RNF144A: variants seen among roughly 807,000 people sequenced by gnomAD.
The protein encoded by RNF144A is ring finger protein 144A.
A neutral mutation model predicts 38.7 loss-of-function variants in RNF144A; 11 were observed. The ratio of observed to expected loss-of-function variants is 0.28; its 90% CI spans 0.18 to 0.47. The LOEUF (loss-of-function observed/expected upper bound fraction) is 0.47, where lower values mean the gene tolerates loss of function less well. Ranked by LOEUF, RNF144A falls within the 20% of genes least tolerant of loss-of-function variation. RNF144A has a pLI of 0.99. For missense variants in RNF144A, 316 were observed against 377.2 expected, an observed-to-expected ratio of 0.84 and a Z score of 1.34; for synonymous variants, 149 against 143.9, an observed-to-expected ratio of 1.04 and a Z score of -0.25.
rs1673086919 is a variant in RNF144A, at chr2:7,042,209, TA to T, written c.*2450del. 1 of 985,348 alleles carries T rather than the reference TA, an allele frequency of 1.0e-6. No individual in the cohort carries two copies. Among genetic ancestry groups the T allele is most frequent in the South Asian group, 4.7e-5 (1 of 21,290 alleles). 61.0% of individuals were successfully genotyped at this position (985,348 alleles called of 1,614,324 possible). A position where few individuals can be genotyped will look rare whatever the true frequency, so the allele number is the denominator to read the frequency against. ...CTGTTTTAGTAAGGAGTGCCAGACT[TA>T]TCTTTGATGGGAATACAGTATGAAC... On this transcript the variant is annotated 3_prime_UTR_variant, in exon 9 of 9. Transcript: ENST00000320892.
chr2:7,026,085 G>A (rs1283244756), intron 7 of RNF144A, among the ~76,000 whole-genome samples: 2 of 152,170 alleles, frequency 1.3e-5, no homozygotes, highest in Non-Finnish European at 2.9e-5. Context: ...CAGACCAATG[G>A]GCAAAGTGGA....
chr2:6,928,347 C>T (rs1475168206), intron 1 of RNF144A, among the ~76,000 whole-genome samples: 2 of 152,234 alleles, frequency 1.3e-5, no homozygotes, highest in Admixed American at 6.5e-5. Flanking sequence ...CATTTCTCCT[C>T]TGGGTCCACC....
chr2:7,013,027 CTCTT>C (rs139607178), intron 3 of RNF144A, among the ~76,000 whole-genome samples: 3,100 of 152,258 alleles, frequency 0.02, 100 homozygotes, highest in African/African-American at 0.071. Context: ...TGGGAAGTGG[CTCTT>C]TCTGAGGATT....
intron 2 of RNF144A, among the ~76,000 whole-genome samples, chr2:6,965,384 G>A (rs1667598337): frequency 6.6e-6 from 1 of 152,204 alleles, no homozygotes; most frequent in Admixed American, 6.5e-5. Context: ...GCTCTTAGGT[G>A]AGTGGGCCTA....
intron 1 of RNF144A, among the ~76,000 whole-genome samples, chr2:6,934,333 C>A (rs1665406753): frequency 6.6e-6 from 1 of 152,102 alleles, no homozygotes; most frequent in Admixed American, 6.5e-5. Context: ...ACATTCTTTA[C>A]CTGCTTTTCT....
At chr2:7,017,896 A>G (rs993153610) in intron 5 of RNF144A, among the ~76,000 whole-genome samples, 4 of 152,194 alleles carry the variant, frequency 2.6e-5, no homozygotes, top group African/African-American at 9.7e-5. Flanking sequence ...TCGATAGGGA[A>G]TCTCTCCATG....
chr2:7,052,471 C>T (rs1673569024), intron 6 of RNF144A, among the ~76,000 whole-genome samples: 1 of 152,290 alleles, frequency 6.6e-6, no homozygotes, highest in African/African-American at 2.4e-5. Flanking sequence ...CCTGTGGCCT[C>T]CAAGGATGGT....
rs749984760 is a variant in RNF144A, at chr2:6,958,423, A to G, written c.-12+17276A>G. 2.6e-5 allele frequency among the ~76,000 whole-genome samples: 4 copies of G among 152,208 alleles called. No homozygotes were observed. Among genetic ancestry groups the G allele is most frequent in the Non-Finnish European group, 5.9e-5 (4 of 68,040 alleles). ...CAGAATATTGCATTTTAGGTAGAGC[A>G]GCTGATTAAAGTTCTCGGGCCAGAT... On this transcript the variant is annotated intron_variant, in intron 2 of 8. Coordinates refer to ENST00000320892, the MANE Select transcript of RNF144A (RefSeq NM_014746.6). The surrounding 1 kb of genome is among the most constrained non-coding windows in gnomAD (Gnocchi z 4.5).
At chr2:7,008,697 C>T (rs113619570) in intron 3 of RNF144A, among the ~76,000 whole-genome samples, 1 of 152,190 alleles carries the variant, frequency 6.6e-6, no homozygotes, top group Admixed American at 6.5e-5. Flanking sequence ...TGGACAAACT[C>T]AACACTGGAA....
chr2:7,042,614 T>G lies in RNF144A; in HGVS notation c.*2854T>G. 1.1e-5 allele frequency: 11 copies of G among 985,540 alleles called. No homozygotes were observed. Among genetic ancestry groups the G allele is most frequent in the Non-Finnish European group, 1.3e-5 (11 of 830,026 alleles). 61.0% of individuals were successfully genotyped at this position (985,540 alleles called of 1,614,324 possible). A position where few individuals can be genotyped will look rare whatever the true frequency, so the allele number is the denominator to read the frequency against. ...AACTGACCACATTTGGAGGTTTTGC[T>G]GGAAATGCCTGACCTCTCAGTCTGG... is the stretch of plus-strand genomic sequence containing the variant. On this transcript the variant is annotated 3_prime_UTR_variant, in exon 9 of 9. Coordinates refer to ENST00000320892, the MANE Select transcript of RNF144A (RefSeq NM_014746.6).
downstream of RNF144A, among the ~76,000 whole-genome samples, chr2:7,046,649 G>C (rs995740437): frequency 6.6e-6 from 1 of 152,164 alleles, no homozygotes; most frequent in Admixed American, 6.5e-5. Flanking sequence ...AGCACAGAAG[G>C]ACCCTCTTCC....
At chr2:6,922,390 A>G (rs1296763644) in intron 1 of RNF144A, among the ~76,000 whole-genome samples, 1 of 152,092 alleles carries the variant, frequency 6.6e-6, no homozygotes, top group Non-Finnish European at 1.5e-5. Context: ...TATTGATTGA[A>G]CGGGCTTTTG....
At chr2:7,032,316 C>T (rs1431093005) in intron 8 of RNF144A, among the ~76,000 whole-genome samples, 3 of 151,424 alleles carry the variant, frequency 2.0e-5, no homozygotes, top group Non-Finnish European at 4.4e-5. Flanking sequence ...TGCAGCTCTG[C>T]TGGAATCCGC....
intron 2 of RNF144A, among the ~76,000 whole-genome samples, chr2:6,977,824 C>T (rs1668402880): frequency 1.3e-5 from 2 of 152,074 alleles, no homozygotes; most frequent in African/African-American, 4.8e-5. Context: ...ACAAAAAGAA[C>T]ATAAAGGAGA....
chr2:6,987,404 G>C (rs886098185), intron 2 of RNF144A, among the ~76,000 whole-genome samples: 2 of 152,108 alleles, frequency 1.3e-5, no homozygotes, highest in East Asian at 3.8e-4. Flanking sequence ...TCACAATTCT[G>C]TCCTCTCTGT....
At chr2:7,028,903 A>C (rs1572437506) in intron 7 of RNF144A, among the ~76,000 whole-genome samples, 1 of 152,134 alleles carries the variant, frequency 6.6e-6, no homozygotes, top group Non-Finnish European at 1.5e-5. Context: ...TTGCTACTGC[A>C]CCTGTAACAG....
At chr2:6,928,926 C>T (rs368906552) in intron 1 of RNF144A, among the ~76,000 whole-genome samples, 9 of 152,310 alleles carry the variant, frequency 5.9e-5, no homozygotes, top group Admixed American at 2.0e-4. Flanking sequence ...GTGGCCCCTT[C>T]AGACCCTGTC....
downstream of RNF144A, among the ~76,000 whole-genome samples, chr2:7,046,212 A>C (rs2103469825): frequency 6.6e-6 from 1 of 152,342 alleles, no homozygotes; most frequent in African/African-American, 2.4e-5. Context: ...AGCTCAGCTC[A>C]TCTCTGTCTA....
intron 3 of RNF144A, among the ~76,000 whole-genome samples, chr2:7,008,590 C>G (rs1270054555): frequency 2.0e-5 from 3 of 152,214 alleles, no homozygotes; most frequent in Non-Finnish European, 4.4e-5. Context: ...TGGCCTACTG[C>G]ACCCCATGCT....
Sources: allele counts gnomAD v4.1 joint callset (sites outside exome capture counted in the v4.1 genomes callset), GRCh38; gene constraint gnomAD v4.1.1; non-coding constraint Gnocchi (gnomAD v3.1); transcripts MANE v1.5; gene names NCBI Gene and HGNC (gene_info 2026-07-23, HGNC 2026-07-21).